The following DDX1 variants were observed in gnomAD, a reference collection of about 807,000 sequenced individuals.
DDX1 encodes the protein DEAD-box helicase 1, also known as ATP-dependent RNA helicase DDX1.
DDX1 carries 28 observed loss-of-function variants against 108.7 expected under a neutral mutation model. That is an observed-to-expected ratio of 0.26 (90% CI 0.19 to 0.35). The LOEUF is 0.35. Among genes scored for constraint, DDX1 ranks in the 10% least tolerant of loss-of-function variants. The pLI is 1.00. For missense variants in DDX1, 710 were observed against 884.5 expected (o/e 0.80, Z 2.50); for synonymous variants, 295 against 288.9 (o/e 1.02, Z -0.21).
At chr2:15,622,424 A>G (rs1666029861) in intron 18 of DDX1, among the ~76,000 whole-genome samples, 1 of 152,190 alleles carries the variant, frequency 6.6e-6, no homozygotes, top group Non-Finnish European at 1.5e-5. Flanking sequence ...AAATATAGGA[A>G]GGTACATCAT....
chr2:15,593,779 T>G (rs1490207253), intron 1 of DDX1, among the ~76,000 whole-genome samples: 1 of 152,014 alleles, frequency 6.6e-6, no homozygotes, highest in South Asian at 2.1e-4. Flanking sequence ...TTCCTGAGAT[T>G]AAGAGCTAGG....
chr2:15,611,731 G>A (rs1251465159), intron 13 of DDX1, among the ~76,000 whole-genome samples: 17 of 90,972 alleles, frequency 1.9e-4, no homozygotes, highest in African/African-American at 3.6e-4. Flanking sequence ...GACTGGCCGG[G>A]CGGGGGGCTG....
Position 15,602,576 on chromosome 2 carries a change from A to C in DDX1, c.336A>C (p.Gln112His). 6.2e-7 allele frequency: 1 copy of C among 1,613,924 alleles called. No individual in the cohort carries two copies. The highest frequency in any genetic ancestry group is 8.5e-7 in the Non-Finnish European group (1 of 1,179,800). The stretch of plus-strand genomic sequence containing the variant: ...TTGGGTCAGATGGTCTTTGTTGTCA[A>C]AGCAGAGAAGTAAAGGAATGGCATG... ...FAIGSDGLCC[Q>H]SREVKEWHGC... The change falls in exon 7 of 26, where the codon CAA becomes CAC. Residue 112 changes from glutamine to histidine, a missense_variant. Coordinates refer to ENST00000233084, the MANE Select transcript of DDX1 (RefSeq NM_004939.3).
chr2:15,607,275 C>T lies in DDX1; in HGVS notation c.918C>T (p.Ile306=). Residue 306 remains isoleucine (I), a synonymous_variant, in exon 13 of 26, where the codon ATC becomes ATT. Transcript: ENST00000233084. ...TAGCTGAACAAACTTTGAACAACAT[C>T]AAGCAGTTTAAGAAATACATTGATA... ...RELAEQTLNN[I]KQFKKYIDNP... The T allele has an allele frequency of 6.2e-7, 1 of 1,612,588 alleles. No individual in the cohort carries two copies. Among genetic ancestry groups the T allele is most frequent in the South Asian group, 1.1e-5 (1 of 91,022 alleles).
chr2:15,626,512 G>A (rs184477060), intron 19 of DDX1, among the ~76,000 whole-genome samples: 1 of 152,136 alleles, frequency 6.6e-6, no homozygotes, highest in Non-Finnish European at 1.5e-5. Flanking sequence ...TCTTTTGGGG[G>A]GTTGGCTACC....
intron 12 of DDX1, among the ~76,000 whole-genome samples, chr2:15,606,944 C>G (rs759044720): frequency 6.6e-6 from 1 of 152,046 alleles, no homozygotes; most frequent in Non-Finnish European, 1.5e-5. Flanking sequence ...CACCTTGGGC[C>G]GCCCAAAGTG....
chr2:15,624,909 A>T (rs1201881735), intron 19 of DDX1, among the ~76,000 whole-genome samples: 1 of 152,180 alleles, frequency 6.6e-6, no homozygotes, highest in East Asian at 1.9e-4. Context: ...GCAGTCTTTT[A>T]TAAAGCTAAA....
chr2:15,622,123 C>G (rs1337338151), intron 18 of DDX1, among the ~76,000 whole-genome samples: 1 of 152,126 alleles, frequency 6.6e-6, no homozygotes, highest in Non-Finnish European at 1.5e-5. Flanking sequence ...GCAAAAGATA[C>G]TGAAATTGTT....
Position 15,630,924 on chromosome 2 carries a change from T to C in DDX1, c.*18T>C, listed in dbSNP as rs765669865. On this transcript the variant is annotated 3_prime_UTR_variant, in exon 26 of 26. Transcript: ENST00000233084. ...CCTTCTGATTTTTACATTTACTGAA[T>C]AAGATTTGAGTAATGAAAGTCTGTA... 6.2e-7 allele frequency: 1 copy of C among 1,612,218 alleles called. No individual in the cohort carries two copies. The highest frequency in any genetic ancestry group is 1.3e-5 in the African/African-American group (1 of 74,896).
At chr2:15,592,740 G>A (rs1665435498) in intron 1 of DDX1, among the ~76,000 whole-genome samples, 2 of 152,082 alleles carry the variant, frequency 1.3e-5, no homozygotes, top group African/African-American at 4.8e-5. Flanking sequence ...CATTTATGTA[G>A]CACTTATGTA....
intron 13 of DDX1, among the ~76,000 whole-genome samples, chr2:15,611,305 C>T (rs1665749274): frequency 1.4e-5 from 2 of 144,678 alleles, no homozygotes; most frequent in Non-Finnish European, 3.0e-5. Flanking sequence ...AACACGGCAA[C>T]CATCCGATTT....
At chr2:15,611,796 C>A (rs1473015974) in intron 13 of DDX1, among the ~76,000 whole-genome samples, 11 of 98,154 alleles carry the variant, frequency 1.1e-4, no homozygotes, top group African/African-American at 2.5e-4. Context: ...GGCTGACCCC[C>A]CCACCTCCCT....
chr2:15,592,143 T>G (rs539841242), intron 1 of DDX1, among the ~76,000 whole-genome samples, 194 bp downstream of exon 1: 2 of 152,284 alleles, frequency 1.3e-5, no homozygotes, highest in South Asian at 4.1e-4. Flanking sequence ...AGGACGATTC[T>G]TCCCAGGAGC....
At chr2:15,592,899 TA>T (rs66822347) in intron 1 of DDX1, among the ~76,000 whole-genome samples, 55,607 of 141,544 alleles carry the variant, frequency 0.39, 10,976 homozygotes, top group East Asian at 0.59. Flanking sequence ...TCATGTAAGA[TA>T]TTTTTTTTCT....
chr2:15,622,299 T>G lies in DDX1; in HGVS notation c.1448-1137T>G, dbSNP rs117511215. ...CTTTTTCATCTTCTTAAACTGAAAA[T>G]CTGTATCATTAAATATTTATCAATT... On this transcript the variant is annotated intron_variant, in intron 18 of 25. Coordinates refer to ENST00000233084, the MANE Select transcript of DDX1 (RefSeq NM_004939.3). Among the ~76,000 whole-genome samples the G allele has an allele frequency of 2.1e-3, 325 of 152,338 alleles. 9 individuals are homozygous for G. In the East Asian group the frequency reaches 0.039, roughly 18 times the overall value.
At position 15,630,982 on chromosome 2, in the gene DDX1, C is replaced by G; in HGVS notation, c.*76C>G. On this transcript the variant is annotated 3_prime_UTR_variant, in exon 26 of 26. Transcript: ENST00000233084. ...AACTCTAAAACAGTTGTACTGCTTCCAAGCAGCAGTATTTATAGTAACGTA... is the reference window on the plus strand; with the variant it reads ...AACTCTAAAACAGTTGTACTGCTTCGAAGCAGCAGTATTTATAGTAACGTA... 7.1e-7 allele frequency: 1 copy of G among 1,413,084 alleles called. No individual in the cohort carries two copies. Among genetic ancestry groups the G allele is most frequent in the South Asian group, 1.3e-5 (1 of 79,046 alleles). The allele number at this position is 1,413,084 out of a possible 1,614,324, so 87.5% of individuals were successfully genotyped here. A position where few individuals can be genotyped will look rare whatever the true frequency, so the allele number is the denominator to read the frequency against.
intron 22 of DDX1, 38 bp downstream of exon 22, chr2:15,628,748 G>C (rs1167717398): frequency 5.6e-6 from 9 of 1,612,820 alleles, no homozygotes; most frequent in African/African-American, 4.0e-5. Context: ...TTTTAAGCTT[G>C]TATGCTTTAG....
At chr2:15,619,475 T>C (rs2148747130) in intron 16 of DDX1, among the ~76,000 whole-genome samples, 1 of 152,280 alleles carries the variant, frequency 6.6e-6, no homozygotes, top group South Asian at 2.1e-4. Flanking sequence ...GCAGCCTCTC[T>C]TGCTGCCGCT....
chr2:15,616,207 C>T (rs967859027), intron 14 of DDX1, among the ~76,000 whole-genome samples: 30 of 152,240 alleles, frequency 2.0e-4, no homozygotes, highest in African/African-American at 5.3e-4. Flanking sequence ...GCCACCGCGC[C>T]GGCCCATATA....
Sources: gnomAD v4.1 joint callset for allele counts (sites outside exome capture counted in the v4.1 genomes callset) on GRCh38, gnomAD v4.1.1 for gene constraint, MANE v1.5 for transcripts, NCBI Gene and HGNC (gene_info 2026-07-23, HGNC 2026-07-21) for gene names.